The following OPCML variants were observed in gnomAD, a reference collection of about 807,000 sequenced individuals.
OPCML encodes the protein opioid binding protein/cell adhesion molecule like.
In OPCML, 13 loss-of-function variants were observed where a neutral mutation model predicts 37.8. The ratio of observed to expected loss-of-function variants is 0.34; its 90% CI spans 0.22 to 0.55. The LOEUF (loss-of-function observed/expected upper bound fraction) is 0.55, where lower values mean the gene tolerates loss of function less well. Among genes scored for constraint, OPCML ranks in the 20% least tolerant of loss-of-function variants. The probability of loss-of-function intolerance (pLI) is 0.91; values close to 1 mark genes in which losing one functional copy is unlikely to be tolerated. For synonymous variants in OPCML, 176 were observed against 168.8 expected, an observed-to-expected ratio of 1.04 and a Z score of -0.33; for missense variants, 341 against 435.6, an observed-to-expected ratio of 0.78 and a Z score of 1.93.
chr11:132,659,404 C>A (rs1049575264), intron 2 of OPCML, among the ~76,000 whole-genome samples: 1 of 152,052 alleles, frequency 6.6e-6, no homozygotes, highest in East Asian at 1.9e-4. Context: ...TTGAAGAGCT[C>A]CTCCTAAAGA....
chr11:133,532,216 T>C, intron 1 of OPCML, 48 bp downstream of exon 1: 1 of 1,600,942 alleles, frequency 6.2e-7, no homozygotes, highest in South Asian at 1.1e-5. Flanking sequence ...TGCTCTCACG[T>C]CGTACAATCA....
At chr11:133,507,961 A>AT (rs1948071162) in intron 1 of OPCML, among the ~76,000 whole-genome samples, 1 of 152,098 alleles carries the variant, frequency 6.6e-6, no homozygotes, top group Admixed American at 6.5e-5. Context: ...AAAAAAAAAA[A>AT]AATCTCAAAT....
intron 1 of OPCML, among the ~76,000 whole-genome samples, chr11:133,190,849 T>A (rs1382702153): frequency 6.6e-6 from 1 of 152,244 alleles, no homozygotes; most frequent in Non-Finnish European, 1.5e-5. Context: ...TATTTCATTA[T>A]ATGGCTTGAC....
At chr11:133,484,098 A>T (rs2120372079) in intron 1 of OPCML, among the ~76,000 whole-genome samples, 1 of 148,730 alleles carries the variant, frequency 6.7e-6, no homozygotes, top group Admixed American at 6.6e-5. Flanking sequence ...AGATGAATAG[A>T]TAGATTAGAT....
Position 132,831,249 on chromosome 11 carries a change from T to C in OPCML, c.146+111677A>G, listed in dbSNP as rs866031452. Among the ~76,000 whole-genome samples the C allele has an allele frequency of 3.9e-5, 6 of 152,294 alleles. No individual in the cohort carries two copies. The South Asian group carries it at 6.2e-4, about 16-fold the overall frequency. ...GTTAATACAACTCACTATCGCCCAA[T>C]GAACAGAAGTCCAAACTCCAAACAA... On this transcript the variant is annotated intron_variant, in intron 2 of 7. Transcript: ENST00000524381.
chr11:132,930,613 G>A (rs1468086083), intron 2 of OPCML, among the ~76,000 whole-genome samples: 1 of 151,932 alleles, frequency 6.6e-6, no homozygotes, highest in African/African-American at 2.4e-5. Flanking sequence ...ATTTCCAATA[G>A]CATCAAGAAG....
At chr11:132,456,195 G>T (rs2096082277) in intron 4 of OPCML, among the ~76,000 whole-genome samples, 1 of 152,148 alleles carries the variant, frequency 6.6e-6, no homozygotes, top group African/African-American at 2.4e-5. Flanking sequence ...CAGCTAAAAG[G>T]ATAAACAGTT....
chr11:133,288,031 T>C (rs1942354871), intron 1 of OPCML, among the ~76,000 whole-genome samples: 1 of 152,204 alleles, frequency 6.6e-6, no homozygotes, highest in South Asian at 2.1e-4. Flanking sequence ...TTGATGTGAC[T>C]CCACTTCCAA....
At chr11:132,855,919 GC>G (rs1455344707) in intron 2 of OPCML, among the ~76,000 whole-genome samples, 2 of 152,192 alleles carry the variant, frequency 1.3e-5, no homozygotes, top group African/African-American at 4.8e-5. Context: ...TTTTTAAGAA[GC>G]CATACTTTCT....
intron 3 of OPCML, among the ~76,000 whole-genome samples, chr11:132,539,353 G>A (rs994141760): frequency 2.6e-5 from 4 of 152,200 alleles, no homozygotes; most frequent in Non-Finnish European, 4.4e-5. Flanking sequence ...AGCATGATGA[G>A]CTTCAGTGAC....
intron 1 of OPCML, among the ~76,000 whole-genome samples, chr11:133,264,478 A>C (rs1367454617): frequency 6.6e-6 from 1 of 152,150 alleles, no homozygotes; most frequent in African/African-American, 2.4e-5. Flanking sequence ...ATTTCCTTGC[A>C]CCCAGCACAG....
At chr11:133,019,948 A>G (rs1439447438) in intron 1 of OPCML, among the ~76,000 whole-genome samples, 1 of 152,188 alleles carries the variant, frequency 6.6e-6, no homozygotes, top group African/African-American at 2.4e-5. Flanking sequence ...GCACATGCTG[A>G]CCCTTTGTCA....
At chr11:132,487,333 G>A (rs556976208) in intron 4 of OPCML, among the ~76,000 whole-genome samples, 8 of 152,196 alleles carry the variant, frequency 5.3e-5, no homozygotes, top group East Asian at 1.9e-4. Context: ...ATTGCCTCCC[G>A]GGTCCTATAG....
At chr11:133,345,788 C>A (rs887505176) in intron 1 of OPCML, among the ~76,000 whole-genome samples, 5 of 152,150 alleles carry the variant, frequency 3.3e-5, no homozygotes, top group African/African-American at 1.2e-4. Context: ...CCCACCCAGG[C>A]CTTCATTAAT....
intron 1 of OPCML, among the ~76,000 whole-genome samples, chr11:132,967,990 A>G (rs1946252214): frequency 6.6e-6 from 1 of 152,214 alleles, no homozygotes; most frequent in Non-Finnish European, 1.5e-5. Flanking sequence ...TGCTGAACCT[A>G]TACTGATACA....
At chr11:132,720,301 C>A (rs78877459) in intron 2 of OPCML, among the ~76,000 whole-genome samples, 2,946 of 152,296 alleles carry the variant, frequency 0.019, 95 homozygotes, top group African/African-American at 0.067. Context: ...CAAGACCTGG[C>A]CACAGCCCTC....
chr11:132,523,768 C>T lies in OPCML; in HGVS notation c.505+5293G>A, dbSNP rs140313081. Among the ~76,000 whole-genome samples, 125 of 152,286 alleles carry T rather than the reference C, an allele frequency of 8.2e-4. 1 individual carries two copies. In the East Asian group the frequency reaches 0.024, roughly 29 times the overall value. ...GAGGCTAAATGGCATTCACTAGACA[C>T]AAATACACAAAGTACAACCTAATTC... On this transcript the variant is annotated intron_variant, in intron 4 of 7. Coordinates refer to ENST00000524381, the MANE Select transcript of OPCML (RefSeq NM_001012393.5).
At chr11:133,056,038 A>G (rs1310316027) in intron 1 of OPCML, among the ~76,000 whole-genome samples, 2 of 152,260 alleles carry the variant, frequency 1.3e-5, no homozygotes, top group South Asian at 2.1e-4. Flanking sequence ...CCTCTACCGT[A>G]TAATGCTGCC....
At chr11:133,413,617 C>T (rs112171910) in intron 1 of OPCML, among the ~76,000 whole-genome samples, 2 of 152,094 alleles carry the variant, frequency 1.3e-5, no homozygotes, top group South Asian at 4.1e-4. Context: ...GGCTCTTCTC[C>T]CTTCATCATG....
Sources: allele counts gnomAD v4.1 joint callset (sites outside exome capture counted in the v4.1 genomes callset), GRCh38; gene constraint gnomAD v4.1.1; transcripts MANE v1.5; gene names NCBI Gene and HGNC (gene_info 2026-07-23, HGNC 2026-07-21).